The following GABRA1 variants were observed in gnomAD, a reference collection of about 807,000 sequenced individuals.
GABRA1 encodes gamma-aminobutyric acid receptor subunit alpha-1.
A neutral mutation model predicts 48.9 loss-of-function variants in GABRA1; 9 were observed. That is an observed-to-expected ratio of 0.18 (90% CI 0.11 to 0.32). The LOEUF is 0.32. GABRA1 is among the 10% of genes least tolerant of loss of function. GABRA1 has a pLI of 1.00. For missense variants in GABRA1, 285 were observed against 553.8 expected, an observed-to-expected ratio of 0.51 and a Z score of 4.87; for synonymous variants, 210 against 198.7, an observed-to-expected ratio of 1.06 and a Z score of -0.48.
intron 4 of GABRA1, among the ~76,000 whole-genome samples, chr5:161,867,856 G>A (rs1048698082): frequency 2.6e-5 from 4 of 151,438 alleles, no homozygotes; most frequent in African/African-American, 9.7e-5. Context: ...TTTAGCTTTC[G>A]GCCACATATA....
chr5:161,888,155 C>T (rs1380442501), intron 7 of GABRA1, among the ~76,000 whole-genome samples: 1 of 152,102 alleles, frequency 6.6e-6, no homozygotes, highest in Non-Finnish European at 1.5e-5. Context: ...GACAATTCCC[C>T]TAGACTGTTG....
chr5:161,851,668 G>T (rs1276267993), intron 2 of GABRA1, among the ~76,000 whole-genome samples: 1 of 152,048 alleles, frequency 6.6e-6, no homozygotes, highest in Admixed American at 6.6e-5. Context: ...AAATGTAATG[G>T]CAAGGGAACT....
upstream of GABRA1, chr5:161,847,335 G>C (rs936841697): frequency 2.0e-5 from 3 of 152,182 alleles, no homozygotes; most frequent in African/African-American, 4.8e-5. Context: ...ATGGAGATAT[G>C]ATTCTCAAAC....
intron 8 of GABRA1, among the ~76,000 whole-genome samples, chr5:161,893,009 A>AAATAATTAAT (rs1734708838): frequency 8.2e-6 from 1 of 122,432 alleles, no homozygotes; most frequent in Non-Finnish European, 1.6e-5. Context: ...CTTCTCAAAA[A>AAATAATTAAT]AATAATAATA....
intron 5 of GABRA1, 62 bp downstream of exon 5, chr5:161,873,399 G>C (rs1754209512): frequency 8.4e-6 from 11 of 1,311,130 alleles, no homozygotes; most frequent in Non-Finnish European, 1.1e-5. Context: ...CCACTTGTAG[G>C]CAATCATCAG....
intron 7 of GABRA1, among the ~76,000 whole-genome samples, chr5:161,884,030 C>T (rs1428142481): frequency 2.6e-5 from 4 of 151,962 alleles, no homozygotes; most frequent in Non-Finnish European, 5.9e-5. Flanking sequence ...TTGGGCAAGT[C>T]ATTTGTTCAG....
chr5:161,862,944 AT>A (rs576547627), intron 3 of GABRA1, among the ~76,000 whole-genome samples: 113 of 151,874 alleles, frequency 7.4e-4, no homozygotes, highest in African/African-American at 2.7e-3. Context: ...AAATCTGAGT[AT>A]TTAGATGCTT....
intron 7 of GABRA1, among the ~76,000 whole-genome samples, chr5:161,885,873 C>G (rs910945533): frequency 6.6e-6 from 1 of 152,072 alleles, no homozygotes; most frequent in Non-Finnish European, 1.5e-5. Context: ...TCCACGTAAT[C>G]CTTAAATCAC....
intron 2 of GABRA1, among the ~76,000 whole-genome samples, chr5:161,851,850 C>T (rs1757458076): frequency 6.6e-6 from 1 of 152,134 alleles, no homozygotes; most frequent in Non-Finnish European, 1.5e-5. Context: ...AATGTCTTTA[C>T]TGCTTTTGAA....
chr5:161,891,116 C>T (rs1688170591), intron 8 of GABRA1, 66 bp downstream of exon 8: 5 of 1,443,882 alleles, frequency 3.5e-6, no homozygotes, highest in Admixed American at 3.4e-5. Flanking sequence ...ATATCTGTGA[C>T]ACTGCAAAGA....
chr5:161,894,157 T>C (rs1178077286), intron 8 of GABRA1, among the ~76,000 whole-genome samples: 1 of 152,210 alleles, frequency 6.6e-6, no homozygotes, highest in Non-Finnish European at 1.5e-5. Flanking sequence ...AAACACTTCA[T>C]TGCATTACCT....
upstream of GABRA1, chr5:161,847,525 G>A (rs1348407266): frequency 6.6e-6 from 1 of 152,100 alleles, no homozygotes; most frequent in African/African-American, 2.4e-5. Flanking sequence ...AAGAAGGTGG[G>A]GTGGAAAGCG....
chr5:161,873,821 T>C (rs984257689), intron 5 of GABRA1, among the ~76,000 whole-genome samples: 13 of 152,184 alleles, frequency 8.5e-5, no homozygotes, highest in African/African-American at 2.9e-4. Context: ...GACGAGAATA[T>C]AGATACTATT....
chr5:161,874,444 T>C (rs570450679), intron 5 of GABRA1, among the ~76,000 whole-genome samples: 63 of 144,370 alleles, frequency 4.4e-4, no homozygotes, highest in African/African-American at 1.7e-3. Flanking sequence ...ATTTGAAATA[T>C]TCCCCCCTGA....
chr5:161,857,791 A>G (rs1052129345), intron 3 of GABRA1, among the ~76,000 whole-genome samples: 2 of 151,570 alleles, frequency 1.3e-5, no homozygotes, highest in African/African-American at 4.8e-5. Flanking sequence ...AAAAATTATC[A>G]GTAATTACTG....
intron 6 of GABRA1, among the ~76,000 whole-genome samples, chr5:161,880,860 C>T (rs1305389272): frequency 6.6e-6 from 1 of 152,062 alleles, no homozygotes; most frequent in African/African-American, 2.4e-5. Flanking sequence ...TATATCTTAT[C>T]TGGGGAAAAT....
intron 4 of GABRA1, 70 bp from the exon 5 acceptor site, chr5:161,873,047 G>A: frequency 8.2e-7 from 1 of 1,224,818 alleles, no homozygotes; most frequent in African/African-American, 1.5e-5. Context: ...ATTATGCACT[G>A]TCTGCGTTAG....
At chr5:161,888,763 T>C (rs1037715) in intron 7 of GABRA1, among the ~76,000 whole-genome samples, 133,878 of 151,946 alleles carry the variant, frequency 0.88, 59,365 homozygotes, top group African/African-American at 0.98. Flanking sequence ...TGGATCACTT[T>C]CTTCTTTTCA....
intron 7 of GABRA1, among the ~76,000 whole-genome samples, chr5:161,886,355 T>C (rs892166541): frequency 6.6e-6 from 1 of 152,026 alleles, no homozygotes; most frequent in Non-Finnish European, 1.5e-5. Flanking sequence ...ATGGTTTTTT[T>C]TTTTTGTATG....
Sources: gnomAD v4.1 joint callset for allele counts (sites outside exome capture counted in the v4.1 genomes callset) on GRCh38, gnomAD v4.1.1 for gene constraint, MANE v1.5 for transcripts, NCBI Gene and HGNC (gene_info 2026-07-23, HGNC 2026-07-21) for gene names.